LINGO2: variants seen among roughly 807,000 people sequenced by gnomAD.
The protein encoded by LINGO2 is leucine-rich repeat and immunoglobulin-like domain-containing nogo receptor-interacting protein 2.
In LINGO2, 14 loss-of-function variants were observed where a neutral mutation model predicts 30.6. The ratio of observed to expected loss-of-function variants is 0.46; its 90% CI spans 0.30 to 0.72. The LOEUF (loss-of-function observed/expected upper bound fraction) is 0.72. Among genes scored for constraint, LINGO2 ranks in the 30% least tolerant of loss-of-function variants. The pLI is 0.07. For synonymous variants in LINGO2, 317 were observed against 288.5 expected (o/e 1.10, Z -1.00); for missense variants, 729 against 751.7 (o/e 0.97, Z 0.35).
At chr9:28,267,186 T>A (rs1822781936) in intron 4 of LINGO2, among the ~76,000 whole-genome samples, 1 of 152,164 alleles carries the variant, frequency 6.6e-6, no homozygotes, top group South Asian at 2.1e-4. Flanking sequence ...AGGATTAAAA[T>A]ACTCCAGAAC....
intron 4 of LINGO2, among the ~76,000 whole-genome samples, chr9:28,218,185 C>T (rs1459621281): frequency 6.7e-6 from 1 of 149,814 alleles, no homozygotes; most frequent in Non-Finnish European, 1.5e-5. Context: ...TATCAAATAT[C>T]AAATGTATCA....
intron 3 of LINGO2, among the ~76,000 whole-genome samples, chr9:28,331,896 C>T (rs867176051): frequency 2.6e-5 from 4 of 152,166 alleles, no homozygotes; most frequent in South Asian, 2.1e-4. Context: ...ATGTGGTGGG[C>T]GCATCTAAAT....
the LINGO2 span, among the ~76,000 whole-genome samples, chr9:28,687,752 T>G: frequency 1.3e-5 from 2 of 152,284 alleles, no homozygotes; most frequent in East Asian, 3.9e-4. Flanking sequence ...TATGGTGATT[T>G]TTTTTTGTTT....
chr9:27,956,057 A>G (rs1383359761), intron 5 of LINGO2, among the ~76,000 whole-genome samples: 1 of 140,616 alleles, frequency 7.1e-6, no homozygotes, highest in Non-Finnish European at 1.6e-5. Context: ...CTCCTGCCTC[A>G]GCCTCCTGAG....
intron 4 of LINGO2, among the ~76,000 whole-genome samples, chr9:28,123,082 C>G (rs1454216880): frequency 6.6e-6 from 1 of 152,032 alleles, no homozygotes; most frequent in South Asian, 2.1e-4. Context: ...TCTTCTCATT[C>G]TTGTGCTTAT....
At chr9:28,667,182 T>C (rs972286987) in intron 1 of LINGO2, among the ~76,000 whole-genome samples, 2 of 152,166 alleles carry the variant, frequency 1.3e-5, no homozygotes, top group Non-Finnish European at 2.9e-5. Context: ...CAATTATTCA[T>C]GTAACAGCCC....
the LINGO2 span, among the ~76,000 whole-genome samples, chr9:29,153,491 T>A: frequency 6.6e-6 from 1 of 152,194 alleles, no homozygotes; most frequent in Admixed American, 6.5e-5. Context: ...ATTTAATAGC[T>A]ATGAAAATAA....
chr9:28,261,133 T>C (rs1822550383), intron 4 of LINGO2, among the ~76,000 whole-genome samples: 1 of 151,962 alleles, frequency 6.6e-6, no homozygotes, highest in South Asian at 2.1e-4. Context: ...ATGTAAAAAA[T>C]AATTTTATAC....
chr9:29,156,750 C>CA, the LINGO2 span, among the ~76,000 whole-genome samples: 1 of 152,026 alleles, frequency 6.6e-6, no homozygotes, highest in Non-Finnish European at 1.5e-5. Context: ...CATGATACTT[C>CA]TACTACAATG....
the LINGO2 span, among the ~76,000 whole-genome samples, chr9:28,868,207 G>T: frequency 4.6e-5 from 7 of 152,008 alleles, no homozygotes; most frequent in South Asian, 1.4e-3. Context: ...TTTGCCTTCA[G>T]CTGAATATGC....
At chr9:28,749,145 C>T in the LINGO2 span, among the ~76,000 whole-genome samples, 2 of 151,996 alleles carry the variant, frequency 1.3e-5, no homozygotes, top group Non-Finnish European at 2.9e-5. Context: ...TTATTTCTCA[C>T]TCTCTTGAAT....
chr9:28,305,762 G>T (rs1427937773), intron 3 of LINGO2, among the ~76,000 whole-genome samples: 1 of 151,980 alleles, frequency 6.6e-6, no homozygotes, highest in Admixed American at 6.6e-5. Context: ...TGATTAGTCA[G>T]TTTGGGGTAA....
chr9:28,549,338 G>A (rs1822145243), intron 1 of LINGO2, among the ~76,000 whole-genome samples: 1 of 152,062 alleles, frequency 6.6e-6, no homozygotes, highest in Non-Finnish European at 1.5e-5. Flanking sequence ...ATGCTAAACG[G>A]AATTTCATTC....
chr9:28,494,737 A>G (rs952633410), intron 1 of LINGO2, among the ~76,000 whole-genome samples: 2 of 152,184 alleles, frequency 1.3e-5, no homozygotes, highest in African/African-American at 4.8e-5. Context: ...ATACCCAGTA[A>G]TGGGATGGCT....
chr9:29,051,096 C>T, the LINGO2 span, among the ~76,000 whole-genome samples: 1 of 152,102 alleles, frequency 6.6e-6, no homozygotes, highest in Admixed American at 6.6e-5. Flanking sequence ...TATATAGTCT[C>T]CCCTATTATC....
chr9:28,008,540 T>G (rs1822385527), intron 5 of LINGO2, among the ~76,000 whole-genome samples: 1 of 151,266 alleles, frequency 6.6e-6, no homozygotes, highest in Non-Finnish European at 1.5e-5. Context: ...CTCTCTTTGT[T>G]GATGACATCT....
chr9:28,224,925 G>A (rs1367378619), intron 4 of LINGO2, among the ~76,000 whole-genome samples: 1 of 152,046 alleles, frequency 6.6e-6, no homozygotes, highest in Non-Finnish European at 1.5e-5. Flanking sequence ...CAGACACATA[G>A]ACCAATGGAA....
At chr9:28,739,741 T>A in the LINGO2 span, among the ~76,000 whole-genome samples, 1 of 151,634 alleles carries the variant, frequency 6.6e-6, no homozygotes, top group Non-Finnish European at 1.5e-5. Flanking sequence ...AATCTATGTA[T>A]CTCTAAGTCT....
the LINGO2 span, among the ~76,000 whole-genome samples, chr9:28,697,867 G>A: frequency 3.3e-5 from 5 of 152,008 alleles, no homozygotes; most frequent in Admixed American, 3.3e-4. Flanking sequence ...ATTTGGTGTT[G>A]CAAAGAAGCA....
Sources: allele counts gnomAD v4.1 joint callset (sites outside exome capture counted in the v4.1 genomes callset), GRCh38; gene constraint gnomAD v4.1.1; transcripts MANE v1.5; gene names NCBI Gene and HGNC (gene_info 2026-07-23, HGNC 2026-07-21).